Variants in MYH11 observed in about 807,000 individuals in gnomAD.
MYH11 encodes myosin-11.
Under a neutral mutation model 246.6 loss-of-function variants are expected in MYH11, and 80 were observed. That is an observed-to-expected ratio of 0.32 (90% CI 0.27 to 0.39). The LOEUF is 0.39. MYH11 is among the 10% of genes least tolerant of loss of function. The pLI, the probability that MYH11 is intolerant of heterozygous loss-of-function variation, is 1.00. For missense variants in MYH11, 2,158 were observed against 2,546.8 expected (o/e 0.85, Z 3.29); for synonymous variants, 1,071 against 1,015.5 (o/e 1.05, Z -1.04).
Position 15,718,338 on chromosome 16 carries a change from G to A in MYH11, c.5272C>T (p.Arg1758Trp), listed in dbSNP as rs751148158. 8.7e-6 allele frequency: 14 copies of A among 1,608,856 alleles called. No individual in the cohort carries two copies. The highest frequency in any genetic ancestry group is 3.3e-5 in the South Asian group (3 of 90,974). The change falls in exon 37 of 41, where the codon CGG becomes TGG. Residue 1758 changes from arginine (R) to tryptophan (W), a missense_variant. Physicochemically the swap from Arg to Trp is moderately radical, Grantham distance 101 (BLOSUM62 -3). Transcript: ENST00000300036. ...ACCTGCTGTGTGGCTTTGCGGACCC[G>A]GTCGCTCATGGCCTCCATGTTGCCC... ...EQGNMEAMSD[R>W]VRKATQQAEQ...
chr16:15,769,640 G>A (rs898081015), intron 9 of MYH11, among the ~76,000 whole-genome samples: 1 of 152,202 alleles, frequency 6.6e-6, no homozygotes, highest in African/African-American at 2.4e-5. Context: ...TGTTGCCCAG[G>A]TTAGTCTCAA....
Position 15,766,344 on chromosome 16 carries a change from GGTGTGTGTGTGTGTGT to G in MYH11, c.1034-2469_1034-2454del, listed in dbSNP as rs3073439. On this transcript the variant is annotated intron_variant, in intron 9 of 40. Coordinates refer to ENST00000300036, the MANE Select transcript of MYH11 (RefSeq NM_002474.3). ...TATGTGAAGTGTACCCATGTTTTTT[GGTGTGTGTGTGTGTGT>G]GTGTGTGTGTGTGTGTGTGTGTGTG... Among the ~76,000 whole-genome samples the G allele has an allele frequency of 9.3e-4, 127 of 136,786 alleles. 2 individuals are homozygous for G. Among genetic ancestry groups the G allele is most frequent in the South Asian group, 5.4e-3 (22 of 4,062 alleles). 89.7% of individuals were successfully genotyped at this position (136,786 alleles called of 152,430 possible).
rs756799858 is a variant in MYH11 at position 15,776,118 on chromosome 16, G to T, written c.849C>A (p.Ile283=). ...TGGCTCCAGCAATCATGTAGTAAAAGATGTGGAATGTCCTCTCGTCTCTGG... is the reference window on the plus strand; with the variant it reads ...TGGCTCCAGCAATCATGTAGTAAAATATGTGGAATGTCCTCTCGTCTCTGG... ...RQARDERTFH[I]FYYMIAGAKE... is the part of the protein sequence containing the mutation. The change falls in exon 8 of 41, where the codon ATC becomes ATA. Residue 283 remains isoleucine (I), a synonymous_variant. Transcript: ENST00000300036. 6.2e-7 allele frequency: 1 copy of T among 1,614,088 alleles called. No individual in the cohort carries two copies. Among genetic ancestry groups the T allele is most frequent in the East Asian group, 2.2e-5 (1 of 44,878 alleles).
intron 6 of MYH11, 84 bp from the exon 7 acceptor site, chr16:15,778,927 G>A (rs749840969): frequency 9.4e-5 from 122 of 1,299,494 alleles, no homozygotes; most frequent in Non-Finnish European, 1.3e-4. Flanking sequence ...GAGGCAGATG[G>A]TACAGAGGAT....
chr16:15,845,731 G>GGA (rs1382556522), intron 1 of MYH11, among the ~76,000 whole-genome samples: 4 of 149,360 alleles, frequency 2.7e-5, no homozygotes, highest in Non-Finnish European at 4.5e-5. Flanking sequence ...AGAAAAAGAA[G>GGA]GAGAGAGAGA....
chr16:15,833,416 G>GAACA (rs1567208283), intron 2 of MYH11, among the ~76,000 whole-genome samples: 6 of 148,652 alleles, frequency 4.0e-5, no homozygotes, highest in Non-Finnish European at 7.4e-5. Flanking sequence ...AGGAAGGGAG[G>GAACA]AACGAACTAA....
chr16:15,721,607 AAG>A lies in MYH11; in HGVS notation c.4391_4392del (p.Ser1464PhefsTer6). 2 of 1,614,010 alleles carry A rather than the reference AAG, an allele frequency of 1.2e-6. No individual in the cohort carries two copies. Among genetic ancestry groups the A allele is most frequent in the Non-Finnish European group, 1.7e-6 (2 of 1,180,012 alleles). ...DQLLAEEKNI[S>X]SKYADERDRA... ...CTGTCCCTCTCATCCGCGTATTTGG[AAG>A]AGATGTTTTTCTCCTCGGCTAACAA... On this transcript the variant is annotated frameshift_variant, in exon 32 of 41. Transcript: ENST00000300036. LOFTEE classifies it high-confidence loss of function.
rs1433046385 is a variant in MYH11, at chr16:15,792,943, C to T, written c.530+5717G>A. On this transcript the variant is annotated intron_variant, in intron 4 of 40. Transcript: ENST00000300036. ...AGAGAGGGGGTTTGGCCATGTTGGC[C>T]AGGCTGGTCTTGAACTCCTGAGCTC... Among the ~76,000 whole-genome samples the T allele has an allele frequency of 1.3e-5, 2 of 152,138 alleles. 1 individual carries two copies. Among genetic ancestry groups the T allele is most frequent in the Admixed American group, 1.3e-4 (2 of 15,270 alleles).
chr16:15,855,096 A>AATGAT (rs943239672), intron 1 of MYH11, among the ~76,000 whole-genome samples: 1 of 152,204 alleles, frequency 6.6e-6, no homozygotes, highest in African/African-American at 2.4e-5. Context: ...ACGGAAAAGT[A>AATGAT]ATGATAACAA....
intron 3 of MYH11, among the ~76,000 whole-genome samples, chr16:15,820,162 G>A (rs2043368675): frequency 6.6e-6 from 1 of 152,150 alleles, no homozygotes; most frequent in South Asian, 2.1e-4. Context: ...GACCAACATG[G>A]TAAAGCCCCA....
chr16:15,777,598 G>A (rs766394737), intron 7 of MYH11, among the ~76,000 whole-genome samples: 25 of 152,152 alleles, frequency 1.6e-4, no homozygotes, highest in Non-Finnish European at 3.2e-4. Flanking sequence ...TGCAGGACAA[G>A]AGGGCCCTGG....
At chr16:15,829,019 A>G (rs796366519) in intron 2 of MYH11, among the ~76,000 whole-genome samples, 1 of 151,982 alleles carries the variant, frequency 6.6e-6, no homozygotes, top group African/African-American at 2.4e-5. Flanking sequence ...CCCCGTCTTT[A>G]CTAAAAATAC....
intron 3 of MYH11, among the ~76,000 whole-genome samples, chr16:15,807,681 C>T (rs950729032): frequency 2.6e-5 from 4 of 152,094 alleles, no homozygotes; most frequent in African/African-American, 7.2e-5. Context: ...AGCTTCCCAG[C>T]CCAGATCCCT....
chr16:15,711,166 C>G (rs1000522003), intron 40 of MYH11: 2 of 152,294 alleles, frequency 1.3e-5, no homozygotes, highest in Non-Finnish European at 2.9e-5. Flanking sequence ...GCCAGCTGCT[C>G]TCTTCCCCTT....
intron 40 of MYH11, among the ~76,000 whole-genome samples, chr16:15,705,700 G>A (rs59525893): frequency 0.023 from 3,464 of 152,138 alleles, 140 homozygotes; most frequent in African/African-American, 0.079. Context: ...GGAACAACTC[G>A]GCTGGGCATG....
chr16:15,788,088 T>TTTTTTTTTTTTTA (rs1453988752), intron 4 of MYH11, among the ~76,000 whole-genome samples: 2 of 130,536 alleles, frequency 1.5e-5, no homozygotes, highest in African/African-American at 5.9e-5. Flanking sequence ...TTTTTTTTTT[T>TTTTTTTTTTTTTA]TTTTTTTACC....
At chr16:15,799,309 T>C (rs74009433) in intron 3 of MYH11, among the ~76,000 whole-genome samples, 5,725 of 152,186 alleles carry the variant, frequency 0.038, 334 homozygotes, top group African/African-American at 0.13. Context: ...CTCTCTGGCC[T>C]AAAACTCCAA....
chr16:15,758,127 A>G (rs1213016308), intron 12 of MYH11, 127 bp from the exon 13 acceptor site: 1 of 1,411,104 alleles, frequency 7.1e-7, no homozygotes, highest in Non-Finnish European at 9.9e-7. Flanking sequence ...CCATCCCAGC[A>G]CCCAGACAGG....
At chr16:15,811,103 G>C (rs1056779703) in intron 3 of MYH11, among the ~76,000 whole-genome samples, 1 of 152,148 alleles carries the variant, frequency 6.6e-6, no homozygotes, top group African/African-American at 2.4e-5. Flanking sequence ...TTGGGGGAGA[G>C]ACCCAGAGAG....
Sources: allele counts gnomAD v4.1 joint callset (sites outside exome capture counted in the v4.1 genomes callset), GRCh38; gene constraint gnomAD v4.1.1; transcripts MANE v1.5; gene names NCBI Gene and HGNC (gene_info 2026-07-23, HGNC 2026-07-21).